METTL22: variants seen among roughly 807,000 people sequenced by gnomAD.
METTL22 encodes the protein methyltransferase 22, Kin17 lysine, also known as methyltransferase-like protein 22.
METTL22 carries 51 observed loss-of-function variants against 48.4 expected under a neutral mutation model. That is an observed-to-expected ratio of 1.05 (90% CI 0.84 to 1.33). The LOEUF is 1.33. METTL22 is among the 40% of genes most tolerant of loss of function. The pLI is 0.00. For synonymous variants in METTL22, 255 were observed against 214.1 expected (o/e 1.19, Z -1.67); for missense variants, 678 against 526.9 (o/e 1.29, Z -2.81).
At chr16:8,636,748 T>C (rs1286913160) in intron 5 of METTL22, among the ~76,000 whole-genome samples, 7 of 152,212 alleles carry the variant, frequency 4.6e-5, no homozygotes, top group African/African-American at 1.4e-4. Context: ...CGGTGTTAGT[T>C]ACATTGCAAT....
the METTL22 span, among the ~76,000 whole-genome samples, chr16:8,655,187 C>A: frequency 6.6e-6 from 1 of 152,212 alleles, no homozygotes. Context: ...GGTCATAAAT[C>A]TGGGCTTAGT....
At chr16:8,658,927 T>C in the METTL22 span, among the ~76,000 whole-genome samples, 4 of 152,064 alleles carry the variant, frequency 2.6e-5, no homozygotes, top group Non-Finnish European at 5.9e-5. Flanking sequence ...CTCTTGGCCA[T>C]GTGCCTTAAT....
At chr16:8,636,780 T>C in intron 5 of METTL22, among the ~76,000 whole-genome samples, 1 of 152,226 alleles carries the variant, frequency 6.6e-6, no homozygotes, top group African/African-American at 2.4e-5. Context: ...TGTATCGTTG[T>C]CTAATAACGT....
In METTL22 at chr16:8,646,428, C is replaced by T. The variant is rs1439550415; in HGVS notation, c.*285C>T. 7.6e-6 allele frequency: 5 copies of T among 656,458 alleles called. No homozygotes were observed. Among genetic ancestry groups the T allele is most frequent in the Non-Finnish European group, 1.4e-5 (5 of 355,962 alleles). The allele number at this position is 656,458 out of a possible 1,614,324, so 40.7% of individuals were successfully genotyped here. A position where few individuals can be genotyped will look rare whatever the true frequency, so the allele number is the denominator to read the frequency against. ...AGCCACGTTCCTTCTCAGCTCAGTT[C>T]CACCCACGTCAGTCATTTCAGCTGT... is the stretch of plus-strand genomic sequence containing the variant. On this transcript the variant is annotated 3_prime_UTR_variant, in exon 11 of 11. Coordinates refer to ENST00000381920, the MANE Select transcript of METTL22 (RefSeq NM_024109.4).
chr16:8,638,739 G>A (rs369498237), intron 5 of METTL22, among the ~76,000 whole-genome samples: 7 of 152,266 alleles, frequency 4.6e-5, no homozygotes, highest in African/African-American at 7.2e-5. Context: ...CACTTAATCC[G>A]TGAAATGGGA....
intron 5 of METTL22, 21 bp from the exon 6 acceptor site, chr16:8,639,070 G>A: frequency 6.2e-7 from 1 of 1,613,874 alleles, no homozygotes; most frequent in Non-Finnish European, 8.5e-7. Context: ...GCACTTTATG[G>A]CTTGCCCTCT....
rs565899601 is a variant in METTL22, at chr16:8,625,701, G to A, written c.36G>A (p.Glu12=). The A allele has an allele frequency of 3.7e-6, 6 of 1,614,144 alleles. No individual in the cohort carries two copies. Among genetic ancestry groups the A allele is most frequent in the South Asian group, 3.3e-5 (3 of 91,080 alleles). Residue 12 remains glutamate (E), a synonymous_variant, in exon 2 of 11, where the codon GAG becomes GAA. Coordinates refer to ENST00000381920, the MANE Select transcript of METTL22 (RefSeq NM_024109.4). The part of the protein sequence containing the change: ...VQLAPAAAMD[E]VTFRSDTVLS... ...TGGCTCCTGCGGCAGCCATGGACGA[G>A]GTCACCTTTAGGAGCGACACTGTGC...
chr16:8,646,025 T>TTACCTGCTCCG, intron 10 of METTL22, 83 bp from the exon 11 acceptor site: 5 of 1,599,010 alleles, frequency 3.1e-6, no homozygotes, highest in Non-Finnish European at 3.4e-6. Context: ...ACTACTCTCC[T>TTACCTGCTCCG]TGGTGAATCA....
intron 7 of METTL22, 64 bp downstream of exon 7, chr16:8,641,248 C>A: frequency 5.2e-6 from 8 of 1,542,598 alleles, no homozygotes; most frequent in Non-Finnish European, 7.2e-6. Flanking sequence ...ACCTCAGTGC[C>A]CCTGGCTCTG....
At chr16:8,638,907 G>C (rs1205148127) in intron 5 of METTL22, among the ~76,000 whole-genome samples, 184 bp from the exon 6 acceptor site, 1 of 152,166 alleles carries the variant, frequency 6.6e-6, no homozygotes, top group African/African-American at 2.4e-5. Context: ...TCTTATTTAG[G>C]GAACAAGCCA....
chr16:8,640,942 A>C (rs374847980), intron 6 of METTL22, among the ~76,000 whole-genome samples, 189 bp from the exon 7 acceptor site: 5,885 of 43,536 alleles, frequency 0.14, 651 homozygotes, highest in Middle Eastern at 0.18. Flanking sequence ...GGATGGATGG[A>C]TGGGTGGGTG....
At chr16:8,643,128 A>G (rs1294682263) in intron 9 of METTL22, among the ~76,000 whole-genome samples, 1 of 152,212 alleles carries the variant, frequency 6.6e-6, no homozygotes, top group East Asian at 1.9e-4. Context: ...TTTTCTGAAG[A>G]TCGTTCGGAA....
intron 3 of METTL22, among the ~76,000 whole-genome samples, chr16:8,630,142 G>T (rs951594719): frequency 6.6e-6 from 1 of 152,066 alleles, no homozygotes; most frequent in Admixed American, 6.6e-5. Flanking sequence ...CAGAGAATGG[G>T]GGTCAGTGGG....
chr16:8,645,948 A>G, intron 10 of METTL22, 160 bp from the exon 11 acceptor site: 1 of 1,262,832 alleles, frequency 7.9e-7, no homozygotes, highest in Non-Finnish European at 9.8e-7. Flanking sequence ...AGAGCAACAA[A>G]GAAAGGAGGA....
chr16:8,630,538 G>T (rs1455398518), intron 3 of METTL22, among the ~76,000 whole-genome samples: 2 of 152,126 alleles, frequency 1.3e-5, no homozygotes, highest in African/African-American at 4.8e-5. Context: ...GCTTCTCAGG[G>T]GGGCCGACGA....
At chr16:8,639,364 T>A in intron 6 of METTL22, 1 of 600,536 alleles carries the variant, frequency 1.7e-6, no homozygotes. Context: ...CATTCCCAGA[T>A]CCACTGCGTC....
At chr16:8,642,338 T>G in intron 8 of METTL22, 125 bp from the exon 9 acceptor site, 1 of 1,262,186 alleles carries the variant, frequency 7.9e-7, no homozygotes, top group Non-Finnish European at 1.2e-6. Context: ...ATCTGCAGTT[T>G]TAATTCTGGA....
At chr16:8,637,640 T>C (rs1567237363) in intron 5 of METTL22, among the ~76,000 whole-genome samples, 1 of 152,224 alleles carries the variant, frequency 6.6e-6, no homozygotes. Flanking sequence ...GTGGACCTGC[T>C]GGCCCACAGG....
chr16:8,642,425 G>C, intron 8 of METTL22, 38 bp from the exon 9 acceptor site: 1 of 1,581,100 alleles, frequency 6.3e-7, no homozygotes. Flanking sequence ...TAATATTTGC[G>C]TGTTTTCCTC....
Sources: allele counts gnomAD v4.1 joint callset (sites outside exome capture counted in the v4.1 genomes callset), GRCh38; gene constraint gnomAD v4.1.1; transcripts MANE v1.5; gene names NCBI Gene and HGNC (gene_info 2026-07-23, HGNC 2026-07-21).